Variants in SPTBN2 observed in about 807,000 individuals in gnomAD.
SPTBN2 encodes spectrin beta, non-erythrocytic 2.
In SPTBN2, 107 loss-of-function variants were observed where a neutral mutation model predicts 284.2. The ratio of observed to expected loss-of-function variants is 0.38; its 90% CI spans 0.32 to 0.44. The LOEUF (loss-of-function observed/expected upper bound fraction) is 0.44. SPTBN2 is among the 20% of genes least tolerant of loss of function. The probability of loss-of-function intolerance (pLI) is 1.00; values close to 1 mark genes in which losing one functional copy is unlikely to be tolerated. For missense variants in SPTBN2, 2,569 were observed against 3,287.1 expected, an observed-to-expected ratio of 0.78 and a Z score of 5.34; for synonymous variants, 1,289 against 1,354.8, an observed-to-expected ratio of 0.95 and a Z score of 1.07.
Position 66,687,784 on chromosome 11 carries a change from C to G in SPTBN2, c.6501+84G>C. 4 of 1,598,014 alleles carry G rather than the reference C, an allele frequency of 2.5e-6. No individual in the cohort carries two copies. In the South Asian group the frequency reaches 4.4e-5, roughly 18 times the overall value. ...GCCTCTGCCCTCTCCCATCCCATCC[C>G]CAGTACTCCCCCACCCGCACTCACC... On this transcript the variant is annotated intron_variant, in intron 34 of 37. Transcript: ENST00000533211. The surrounding 1 kb of genome is among the most constrained non-coding windows in gnomAD (Gnocchi z 5.2).
chr11:66,704,878 G>A lies in SPTBN2; in HGVS notation c.2398C>T (p.Arg800Trp), dbSNP rs775807933. The change falls in exon 15 of 38, where the codon CGG (arginine) becomes TGG (tryptophan). Residue 800 changes from arginine (R) to tryptophan (W), a missense_variant. By Grantham distance (101) the Arg-to-Trp change is moderately radical (BLOSUM62 -3). Transcript: ENST00000533211. Reference sequence around the variant, plus strand: ...TCCCTCAAGGCGTCCAGGGTTGGCCGGTGGCTTCGAATCTCCTCCTCCAGG... The same window carrying A: ...TCCCTCAAGGCGTCCAGGGTTGGCCAGTGGCTTCGAATCTCCTCCTCCAGG... Reference protein sequence around the residue: ...RALEEEIRSHRPTLDALREQA... With the variant: ...RALEEEIRSHWPTLDALREQA... 62 of 1,610,764 alleles carry A rather than the reference G, an allele frequency of 3.8e-5. 1 individual carries two copies. The highest frequency in any genetic ancestry group is 5.3e-5 in the African/African-American group (4 of 74,940).
intron 1 of SPTBN2, among the ~76,000 whole-genome samples, chr11:66,741,125 T>C (rs913349656): frequency 3.9e-5 from 6 of 152,206 alleles, no homozygotes; most frequent in Admixed American, 2.6e-4. Context: ...ACATGTGATA[T>C]GGTTTGGCTG....
At chr11:66,702,164 G>A (rs1488402347) in intron 15 of SPTBN2, among the ~76,000 whole-genome samples, 1 of 152,130 alleles carries the variant, frequency 6.6e-6, no homozygotes, top group African/African-American at 2.4e-5. Flanking sequence ...TTCTTCCAGG[G>A]ACATTTTATG....
At position 66,691,508 on chromosome 11, in the gene SPTBN2, C is replaced by T. The variant is rs777756110; in HGVS notation, c.5341G>A (p.Glu1781Lys). The T allele has an allele frequency of 2.5e-6, 4 of 1,612,490 alleles. No homozygotes were observed. In the Admixed American group the frequency reaches 5.0e-5, roughly 20 times the overall value. ...TVAEWKDSLNEAWADLLELLD... is the reference protein window; with the variant it reads ...TVAEWKDSLNKAWADLLELLD... ...AGCTCAAGCAGGTCAGCCCAGGCCT[C>T]GTTGAGACTGTCCTTCCACTCGGCC... Residue 1781 changes from glutamate to lysine, a missense_variant, in exon 27 of 38, where the codon GAG becomes AAG. Coordinates refer to ENST00000533211, the MANE Select transcript of SPTBN2 (RefSeq NM_006946.4). This position sits in a 1 kb window ranked among gnomAD's most constrained non-coding sequence, Gnocchi z 8.0.
chr11:66,696,415 A>G lies in SPTBN2; in HGVS notation c.4140T>C (p.Phe1380=). 2 of 1,613,290 alleles carry G rather than the reference A, an allele frequency of 1.2e-6. No individual in the cohort carries two copies. The highest frequency in any genetic ancestry group is 2.2e-5 in the South Asian group (2 of 91,080). The stretch of plus-strand genomic sequence containing the variant: ...CAAACAGCTCAGCTCGGTTGGCATC[A>G]AAGAGGCTGCGGGCCTTGGCTTGGG... The part of the protein sequence containing the change: ...TTTQAKARSL[F]DANRAELFAQ... The change falls in exon 21 of 38, where the codon TTT becomes TTC. Residue 1380 remains phenylalanine (F), a synonymous_variant. Transcript: ENST00000533211.
At chr11:66,731,153 C>A (rs887287366), upstream of SPTBN2, among the ~76,000 whole-genome samples, 2 of 152,180 alleles carry the variant, frequency 1.3e-5, no homozygotes, top group Non-Finnish European at 2.9e-5. Flanking sequence ...ACATAGTAAG[C>A]ACTTAATCAG....
chr11:66,739,829 C>T (rs1028499827), intron 1 of SPTBN2, among the ~76,000 whole-genome samples: 6 of 152,120 alleles, frequency 3.9e-5, no homozygotes, highest in Admixed American at 3.3e-4. Flanking sequence ...GTCAGGTGTT[C>T]GAGACCAGCC....
At chr11:66,743,311 C>T (rs1172249585) in intron 1 of SPTBN2, among the ~76,000 whole-genome samples, 1 of 152,084 alleles carries the variant, frequency 6.6e-6, no homozygotes, top group Non-Finnish European at 1.5e-5. Context: ...AGCATAGACT[C>T]GAGAAGGGTA....
intron 1 of SPTBN2, among the ~76,000 whole-genome samples, chr11:66,737,424 A>C (rs1288509884): frequency 1.3e-5 from 2 of 152,240 alleles, no homozygotes; most frequent in African/African-American, 4.8e-5. Context: ...CCACTGTGAC[A>C]AGTTAACAAT....
At position 66,699,430 on chromosome 11, in the gene SPTBN2, T is replaced by C. The variant is rs1421669462; in HGVS notation, c.3752A>G (p.Glu1251Gly). The change falls in exon 18 of 38, where the codon GAA becomes GGA. Residue 1251 changes from glutamate to glycine, a missense_variant. By Grantham distance (98) the Glu-to-Gly change is moderately conservative. This residue lies in a region of SPTBN2 where 1,012 missense variants were observed against 1,248.9 expected (regional missense o/e 0.81). Coordinates refer to ENST00000533211, the MANE Select transcript of SPTBN2 (RefSeq NM_006946.4). ...EGNIHADKIR[E>G]KADSIERRHK... The stretch of plus-strand genomic sequence containing the variant: ...CCTCCTCTCAATGGAGTCTGCCTTT[T>C]CCCGAATCTTGTCGGCGTGGATGTT... 2 of 1,614,080 alleles carry C rather than the reference T, an allele frequency of 1.2e-6. No individual in the cohort carries two copies. Among genetic ancestry groups the C allele is most frequent in the Non-Finnish European group, 1.7e-6 (2 of 1,180,002 alleles).
intron 21 of SPTBN2, among the ~76,000 whole-genome samples, chr11:66,694,686 T>A (rs1940804174): frequency 1.3e-5 from 2 of 152,138 alleles, no homozygotes; most frequent in African/African-American, 4.8e-5. Context: ...AGATTGAAAT[T>A]AAAAAATCCA....
rs765483709 is a variant in SPTBN2 at position 66,689,929 on chromosome 11, G to C, written c.5825C>G (p.Ala1942Gly). Reference protein sequence around the residue: ...AQERPRDVSSADLVIKNQQGI... With the variant: ...AQERPRDVSSGDLVIKNQQGI... ...TTGCTGGTTCTTGATGACTAGATCC[G>C]CGGAGGACACATCCCTGGGGGGAGG... Residue 1942 changes from alanine (A) to glycine (G), a missense_variant, in exon 29 of 38, where the codon GCG becomes GGG. Transcript: ENST00000533211. 16 of 1,614,000 alleles carry C rather than the reference G, an allele frequency of 9.9e-6. No individual in the cohort carries two copies. The South Asian group carries it at 1.4e-4, about 14-fold the overall frequency.
In SPTBN2 at chr11:66,721,008, A is replaced by G. The variant is rs1406675306; in HGVS notation, c.157+76T>C. ...GAAAGAAAAGTCAGTCTTCCCATAAAGTTAAAGGGCTCTTCATGACGAGCT... is the reference window on the plus strand; with the variant it reads ...GAAAGAAAAGTCAGTCTTCCCATAAGGTTAAAGGGCTCTTCATGACGAGCT... On this transcript the variant is annotated intron_variant, in intron 3 of 37. Transcript: ENST00000533211. The G allele has an allele frequency of 3.8e-5, 60 of 1,597,278 alleles. No individual in the cohort carries two copies. In the East Asian group the frequency reaches 1.3e-3, roughly 35 times the overall value.
intron 1 of SPTBN2, among the ~76,000 whole-genome samples, chr11:66,736,767 G>C (rs530982554): frequency 3.9e-5 from 6 of 152,218 alleles, no homozygotes; most frequent in Non-Finnish European, 7.3e-5. Flanking sequence ...AGGGCACTCA[G>C]AGAAGAATAG....
Position 66,704,822 on chromosome 11 carries a change from G to T in SPTBN2, c.2454C>A (p.Ser818Arg), listed in dbSNP as rs1288003434. The change falls in exon 15 of 38, where the codon AGC becomes AGA. Residue 818 changes from serine (S) to arginine (R), a missense_variant. Physicochemically the swap from Ser to Arg is moderately radical, Grantham distance 110 (BLOSUM62 -1). Around this residue, in one of 6 missense-constraint regions of SPTBN2, gnomAD observed 1,012 missense variants for 1,248.9 expected, o/e 0.81. Coordinates refer to ENST00000533211, the MANE Select transcript of SPTBN2 (RefSeq NM_006946.4). Reference protein sequence around the residue: ...EQAAALPPTLSRTPEVQSRVP... With the variant: ...EQAAALPPTLRRTPEVQSRVP... ...CCCGGCTCTGCACCTCGGGCGTGCGGCTCAGTGTGGGGGGCAGGGCTGCTG... is the reference window on the plus strand; with the variant it reads ...CCCGGCTCTGCACCTCGGGCGTGCGTCTCAGTGTGGGGGGCAGGGCTGCTG... 1 of 1,606,758 alleles carries T rather than the reference G, an allele frequency of 6.2e-7. No homozygotes were observed. Among genetic ancestry groups the T allele is most frequent in the South Asian group, 1.1e-5 (1 of 91,038 alleles).
Position 66,700,769 on chromosome 11 carries a change from C to A in SPTBN2, c.3330G>T (p.Leu1110=). 1 of 1,602,190 alleles carries A rather than the reference C, an allele frequency of 6.2e-7. No individual in the cohort carries two copies. Among genetic ancestry groups the A allele is most frequent in the Non-Finnish European group, 8.5e-7 (1 of 1,179,800 alleles). ...TCTGGGCCCGCTCCACCTCTCCCCG[C>A]AGGGCTGCATGTTGGGCCAGGAGGG... is the stretch of plus-strand genomic sequence containing the variant. ...AEALLAQHAA[L]RGEVERAQSE... The change falls in exon 17 of 38, where the codon CTG becomes CTT. Residue 1110 remains leucine (L), a synonymous_variant. Transcript: ENST00000533211. This position sits in a 1 kb window ranked among gnomAD's most constrained non-coding sequence, Gnocchi z 6.6.
In SPTBN2 at chr11:66,707,435, A is replaced by G; in HGVS notation, c.1653+81T>C. The G allele has an allele frequency of 6.9e-7, 1 of 1,449,238 alleles. No individual in the cohort carries two copies. Among genetic ancestry groups the G allele is most frequent in the Non-Finnish European group, 9.4e-7 (1 of 1,065,500 alleles). The allele number at this position is 1,449,238 out of a possible 1,614,324, so 89.8% of individuals were successfully genotyped here. On this transcript the variant is annotated intron_variant, in intron 13 of 37. Coordinates refer to ENST00000533211, the MANE Select transcript of SPTBN2 (RefSeq NM_006946.4). This position sits in a 1 kb window ranked among gnomAD's most constrained non-coding sequence, Gnocchi z 4.9. ...GTTCACACTCCACAGAGATCGGCCG[A>G]GCAGACGGGCGGACGCACCCACTGT...
chr11:66,715,921 CG>C lies in SPTBN2; in HGVS notation c.217del (p.Arg73GlyfsTer20). The C allele has an allele frequency of 6.2e-7, 1 of 1,614,098 alleles. No homozygotes were observed. Among genetic ancestry groups the C allele is most frequent in the Non-Finnish European group, 8.5e-7 (1 of 1,180,014 alleles). ...CAGGTCCCCCACCCGGCACGTGACC[CG>C]GGCCAGGTGCGAGTTTACCCACTTG... ...FTKWVNSHLA[R>X]VTCRVGDLYS... On this transcript the variant is annotated frameshift_variant, in exon 4 of 38. Coordinates refer to ENST00000533211, the MANE Select transcript of SPTBN2 (RefSeq NM_006946.4). LOFTEE classifies it high-confidence loss of function. The surrounding 1 kb of genome is among the most constrained non-coding windows in gnomAD (Gnocchi z 5.3).
rs535293402 is a variant in SPTBN2, at chr11:66,708,431, G to A, written c.1192-132C>T. On this transcript the variant is annotated intron_variant, in intron 11 of 37. Coordinates refer to ENST00000533211, the MANE Select transcript of SPTBN2 (RefSeq NM_006946.4). The surrounding 1 kb of genome is among the most constrained non-coding windows in gnomAD (Gnocchi z 4.4). ...AATGCAGTGGGTGAGACGCCTGGGC[G>A]TGGAAACAGGAAACAGGGCAGCGCT... is the stretch of plus-strand genomic sequence containing the variant. The A allele has an allele frequency of 3.0e-4, 283 of 945,946 alleles. No homozygotes were observed. The highest frequency in any genetic ancestry group is 5.0e-4 in the Admixed American group (17 of 34,088). 58.6% of individuals were successfully genotyped at this position (945,946 alleles called of 1,614,324 possible). A position where few individuals can be genotyped will look rare whatever the true frequency, so the allele number is the denominator to read the frequency against.
Sources: gnomAD v4.1 joint callset for allele counts (sites outside exome capture counted in the v4.1 genomes callset) on GRCh38, gnomAD v4.1.1 for gene constraint, gnomAD v4.1.1 regional missense constraint, Gnocchi (gnomAD v3.1) non-coding constraint, MANE v1.5 for transcripts, NCBI Gene and HGNC (gene_info 2026-07-23, HGNC 2026-07-21) for gene names.